The following CLIP1 variants were observed in gnomAD, a reference collection of about 807,000 sequenced individuals.
The protein encoded by CLIP1 is CAP-Gly domain containing linker protein 1, also known as CAP-Gly domain-containing linker protein 1.
A neutral mutation model predicts 161.6 loss-of-function variants in CLIP1; 66 were observed. That is an observed-to-expected ratio of 0.41 (90% CI 0.33 to 0.50). The LOEUF is 0.50. Ranked by LOEUF, CLIP1 falls within the 20% of genes least tolerant of loss-of-function variation. CLIP1 has a pLI of 0.27. For missense variants in CLIP1, 1,376 were observed against 1,702.0 expected, an observed-to-expected ratio of 0.81 and a Z score of 3.37; for synonymous variants, 598 against 626.2, an observed-to-expected ratio of 0.96 and a Z score of 0.67.
At chr12:122,339,087 C>G (rs1033277511) in intron 11 of CLIP1, among the ~76,000 whole-genome samples, 2 of 152,136 alleles carry the variant, frequency 1.3e-5, no homozygotes, top group Non-Finnish European at 1.5e-5. Context: ...AACAATTCCT[C>G]GAACCACCTT....
chr12:122,350,243 A>G (rs1328863271), intron 9 of CLIP1, among the ~76,000 whole-genome samples: 1 of 152,046 alleles, frequency 6.6e-6, no homozygotes, highest in African/African-American at 2.4e-5. Context: ...AGCTGCCAGG[A>G]GGTGGTAGGA....
chr12:122,365,483 A>G, intron 3 of CLIP1: 1 of 793,666 alleles, frequency 1.3e-6, no homozygotes, highest in Non-Finnish European at 2.3e-6. Context: ...CGTGAAGGAA[A>G]ATGATCAGAA....
At chr12:122,363,318 C>G (rs1427969166) in intron 4 of CLIP1, among the ~76,000 whole-genome samples, 2 of 151,988 alleles carry the variant, frequency 1.3e-5, no homozygotes, top group Admixed American at 1.3e-4. Context: ...TGGGCAACAC[C>G]CCGTCTCTAC....
chr12:122,303,990 G>A (rs909042260), intron 20 of CLIP1, among the ~76,000 whole-genome samples: 2 of 152,112 alleles, frequency 1.3e-5, no homozygotes, highest in Admixed American at 6.5e-5. Context: ...TTCCTGAGGG[G>A]GTACCCGCCC....
At chr12:122,344,670 T>C (rs749603851) in intron 10 of CLIP1, among the ~76,000 whole-genome samples, 5 of 152,202 alleles carry the variant, frequency 3.3e-5, no homozygotes, top group Non-Finnish European at 5.9e-5. Flanking sequence ...CTGCCCTAAT[T>C]CAAAACTATG....
At chr12:122,390,319 T>TATATATGTATA (rs1955600901) in intron 1 of CLIP1, among the ~76,000 whole-genome samples, 3 of 135,280 alleles carry the variant, frequency 2.2e-5, no homozygotes, top group African/African-American at 2.7e-5. Context: ...TATATATATA[T>TATATATGTATA]TATTTTTTTT....
intron 20 of CLIP1, among the ~76,000 whole-genome samples, chr12:122,308,255 G>C (rs1325919271): frequency 1.3e-5 from 2 of 152,174 alleles, no homozygotes; most frequent in Admixed American, 6.5e-5. Context: ...GATGATCTCT[G>C]TAAGTTCCTC....
chr12:122,341,782 T>C (rs1952520022), intron 10 of CLIP1, 85 bp from the exon 11 acceptor site: 34 of 735,768 alleles, frequency 4.6e-5, no homozygotes, highest in East Asian at 3.9e-4. Flanking sequence ...TTTTTTTTTT[T>C]TTTTTTTTTT....
intron 1 of CLIP1, among the ~76,000 whole-genome samples, chr12:122,389,738 A>G (rs1955501308): frequency 7.5e-6 from 1 of 133,998 alleles, no homozygotes; most frequent in East Asian, 2.3e-4. Flanking sequence ...CAGCCAGGAG[A>G]GCAGAATGAG....
chr12:122,415,880 C>A (rs1956739597), intron 1 of CLIP1, among the ~76,000 whole-genome samples: 1 of 152,034 alleles, frequency 6.6e-6, no homozygotes, highest in Admixed American at 6.6e-5. Flanking sequence ...GGCTTTGTTA[C>A]AAGGTGCGCA....
At chr12:122,417,112 C>T (rs1956781112) in intron 1 of CLIP1, among the ~76,000 whole-genome samples, 2 of 151,808 alleles carry the variant, frequency 1.3e-5, no homozygotes, top group Non-Finnish European at 2.9e-5. Context: ...GCCTGGCCAA[C>T]ATGGTGAAAC....
At chr12:122,422,741 C>A (rs897595987), upstream of CLIP1, 8 of 137,444 alleles carry the variant, frequency 5.8e-5, no homozygotes, top group Non-Finnish European at 9.6e-5. Context: ...CCGGCCGGCC[C>A]GGCCCCTCGA....
At chr12:122,309,335 T>G (rs1479255537) in intron 20 of CLIP1, among the ~76,000 whole-genome samples, 3 of 152,202 alleles carry the variant, frequency 2.0e-5, no homozygotes, top group Admixed American at 2.0e-4. Context: ...CTATTTAAAA[T>G]CAGCTGCCAA....
chr12:122,361,435 A>G (rs972113411), intron 4 of CLIP1, among the ~76,000 whole-genome samples: 2 of 152,238 alleles, frequency 1.3e-5, no homozygotes, highest in Non-Finnish European at 2.9e-5. Flanking sequence ...GATTCTGCAT[A>G]AAGGAAATAA....
chr12:122,342,848 G>A (rs1207281538), intron 10 of CLIP1: 2 of 148,810 alleles, frequency 1.3e-5, no homozygotes, highest in Non-Finnish European at 3.0e-5. Flanking sequence ...AAAACAAACT[G>A]AAATTATATT....
chr12:122,393,776 G>C (rs993243098), intron 1 of CLIP1, among the ~76,000 whole-genome samples: 1 of 151,826 alleles, frequency 6.6e-6, no homozygotes, highest in African/African-American at 2.4e-5. Context: ...GCCGGGTGTG[G>C]TGGTGCGCAC....
At chr12:122,359,945 G>A (rs1953694735) in intron 5 of CLIP1, among the ~76,000 whole-genome samples, 1 of 152,162 alleles carries the variant, frequency 6.6e-6, no homozygotes, top group African/African-American at 2.4e-5. Context: ...TAAACTTATG[G>A]GCAGGGCTTT....
intron 24 of CLIP1, chr12:122,274,541 G>GTTTT (rs140034285): frequency 2.8e-5 from 4 of 144,824 alleles, no homozygotes; most frequent in Non-Finnish European, 3.0e-5. Context: ...GTTTTGTTTT[G>GTTTT]TTTTTTTTTT....
At chr12:122,273,236 T>A in intron 25 of CLIP1, 136 bp from the exon 26 acceptor site, 2 of 651,906 alleles carry the variant, frequency 3.1e-6, no homozygotes, top group Non-Finnish European at 5.3e-6. Context: ...AGTAGTGCAT[T>A]ATCCCACATT....
Sources: gnomAD v4.1 joint callset for allele counts (sites outside exome capture counted in the v4.1 genomes callset) on GRCh38, gnomAD v4.1.1 for gene constraint, MANE v1.5 for transcripts, NCBI Gene and HGNC (gene_info 2026-07-23, HGNC 2026-07-21) for gene names.